Variants in SLC24A2 observed in about 807,000 individuals in gnomAD.
The protein encoded by SLC24A2 is solute carrier family 24 member 2.
In SLC24A2, 36 loss-of-function variants were observed where a neutral mutation model predicts 62.0. That is an observed-to-expected ratio of 0.58 (90% CI 0.44 to 0.77). The LOEUF is 0.77. Ranked by LOEUF, SLC24A2 falls within the 30% of genes least tolerant of loss-of-function variation. SLC24A2 has a pLI of 0.00. For missense variants in SLC24A2, 846 were observed against 817.9 expected, an observed-to-expected ratio of 1.03 and a Z score of -0.42; for synonymous variants, 358 against 294.0, an observed-to-expected ratio of 1.22 and a Z score of -2.23.
the SLC24A2 span, among the ~76,000 whole-genome samples, chr9:20,016,020 A>G: frequency 5.9e-5 from 9 of 152,244 alleles, no homozygotes; most frequent in Admixed American, 5.2e-4. Flanking sequence ...CAAGTGTAAT[A>G]ACAAATTTTA....
chr9:19,791,233 C>G (rs542966800), upstream of SLC24A2, among the ~76,000 whole-genome samples: 36 of 152,192 alleles, frequency 2.4e-4, no homozygotes, highest in Non-Finnish European at 4.7e-4. Flanking sequence ...TGCATTACAT[C>G]TGTGTTCCAG....
intron 2 of SLC24A2, among the ~76,000 whole-genome samples, chr9:19,652,106 G>A (rs1224865286): frequency 6.6e-6 from 1 of 152,200 alleles, no homozygotes; most frequent in East Asian, 1.9e-4. Context: ...TATTGTTAAA[G>A]CTAATTGGTA....
chr9:19,960,259 T>A, the SLC24A2 span, among the ~76,000 whole-genome samples: 3 of 152,188 alleles, frequency 2.0e-5, no homozygotes, highest in Non-Finnish European at 4.4e-5. Flanking sequence ...GAGCAATGCT[T>A]ACTGCCACTA....
In SLC24A2 at chr9:19,697,916, G is replaced by T. The variant is rs1820240217; in HGVS notation, c.931-75617C>A. On this transcript the variant is annotated intron_variant, in intron 2 of 10. Coordinates refer to ENST00000341998, the MANE Select transcript of SLC24A2 (RefSeq NM_020344.4). ...CATACATGGTATGTTCCCTCTAAAA[G>T]TGACAACTCTATACTTCTAATATAT... 2.0e-5 allele frequency among the ~76,000 whole-genome samples: 3 copies of T among 152,074 alleles called. No individual in the cohort carries two copies. In the South Asian group the frequency reaches 6.2e-4, roughly 32 times the overall value.
At chr9:20,049,365 CTT>C in the SLC24A2 span, among the ~76,000 whole-genome samples, 1 of 151,782 alleles carries the variant, frequency 6.6e-6, no homozygotes, top group East Asian at 1.9e-4. Flanking sequence ...CTCCAATGAA[CTT>C]TTTTTTTCTT....
intron 1 of SLC24A2, among the ~76,000 whole-genome samples, chr9:19,788,014 CT>C (rs888056058): frequency 6.6e-6 from 1 of 152,192 alleles, no homozygotes; most frequent in Non-Finnish European, 1.5e-5. Flanking sequence ...GAAGAGTTCT[CT>C]TTTTAGTTTT....
chr9:19,651,923 C>G (rs538329095), intron 2 of SLC24A2, among the ~76,000 whole-genome samples: 6 of 152,256 alleles, frequency 3.9e-5, no homozygotes, highest in Non-Finnish European at 7.3e-5. Context: ...ATCGACCACA[C>G]GGGTTTCCTC....
At chr9:20,214,884 T>A in the SLC24A2 span, among the ~76,000 whole-genome samples, 1 of 152,134 alleles carries the variant, frequency 6.6e-6, no homozygotes, top group African/African-American at 2.4e-5. Context: ...AACCATAGTA[T>A]AATATAACAT....
At chr9:20,214,294 C>A in the SLC24A2 span, among the ~76,000 whole-genome samples, 1 of 151,940 alleles carries the variant, frequency 6.6e-6, no homozygotes, top group African/African-American at 2.4e-5. Flanking sequence ...CTATATTGCA[C>A]CTATAGTCAA....
chr9:19,546,881 C>T (rs987300607), intron 8 of SLC24A2, among the ~76,000 whole-genome samples: 10 of 152,206 alleles, frequency 6.6e-5, no homozygotes, highest in African/African-American at 2.4e-4. Flanking sequence ...AGTGTCTGGG[C>T]CAGAGTGCAC....
chr9:19,577,001 G>A lies in SLC24A2; in HGVS notation c.1151C>T (p.Ser384Leu). 6.2e-7 allele frequency: 1 copy of A among 1,614,112 alleles called. No homozygotes were observed. The highest frequency in any genetic ancestry group is 1.3e-5 in the African/African-American group (1 of 75,030). The change falls in exon 6 of 11, where the codon TCA (serine) becomes TTA (leucine). Residue 384 changes from serine (S) to leucine (L), a missense_variant. By Grantham distance (145) the Ser-to-Leu change is moderately radical. Coordinates refer to ENST00000341998, the MANE Select transcript of SLC24A2 (RefSeq NM_020344.4). ...TEEGRFREKA[S>L]ILHKIAKKKC... ...CTTCTTGGCGATCTTGTGGAGAATT[G>A]AAGCCTTTTCTCTGAACCTCCCTGA...
chr9:20,071,774 G>T, the SLC24A2 span, among the ~76,000 whole-genome samples: 1 of 151,998 alleles, frequency 6.6e-6, no homozygotes, highest in Non-Finnish European at 1.5e-5. Flanking sequence ...ACACGCAGCT[G>T]GTGTCTGCTG....
chr9:19,798,598 CCACACA>C, the SLC24A2 span, among the ~76,000 whole-genome samples: 14 of 146,552 alleles, frequency 9.6e-5, no homozygotes, highest in East Asian at 1.2e-3. Flanking sequence ...ATCCTTTATA[CCACACA>C]CACACACACA....
the SLC24A2 span, among the ~76,000 whole-genome samples, chr9:20,273,738 T>C: frequency 6.6e-6 from 1 of 152,186 alleles, no homozygotes; most frequent in Non-Finnish European, 1.5e-5. Flanking sequence ...TTATTAGCAG[T>C]GTGAAAATGG....
At chr9:19,735,730 C>G (rs1279959404) in intron 2 of SLC24A2, among the ~76,000 whole-genome samples, 1 of 151,928 alleles carries the variant, frequency 6.6e-6, no homozygotes, top group Non-Finnish European at 1.5e-5. Flanking sequence ...AAGCTGGAAA[C>G]CATCATTCTC....
chr9:19,631,700 G>A (rs1299234022), intron 2 of SLC24A2, among the ~76,000 whole-genome samples: 2 of 152,164 alleles, frequency 1.3e-5, no homozygotes, highest in African/African-American at 4.8e-5. Context: ...AACTCACCAT[G>A]AGGCACAAAA....
the SLC24A2 span, among the ~76,000 whole-genome samples, chr9:20,238,473 G>C: frequency 2.6e-5 from 4 of 152,094 alleles, no homozygotes; most frequent in Non-Finnish European, 5.9e-5. Context: ...GAAAGCAAAG[G>C]GGTTCATGCT....
chr9:19,653,229 G>A (rs1054788933), intron 2 of SLC24A2, among the ~76,000 whole-genome samples: 2 of 152,184 alleles, frequency 1.3e-5, no homozygotes, highest in African/African-American at 4.8e-5. Flanking sequence ...TTTCTCAACA[G>A]CATGGCCAGA....
chr9:19,790,890 TA>T (rs1823312262), upstream of SLC24A2, among the ~76,000 whole-genome samples: 1 of 152,172 alleles, frequency 6.6e-6, no homozygotes, highest in South Asian at 2.1e-4. Context: ...TGTTATCTTC[TA>T]GAATTTTTAT....
Sources: allele counts gnomAD v4.1 joint callset (sites outside exome capture counted in the v4.1 genomes callset), GRCh38; gene constraint gnomAD v4.1.1; transcripts MANE v1.5; gene names NCBI Gene and HGNC (gene_info 2026-07-23, HGNC 2026-07-21).